Variants in DACH1 observed in about 807,000 individuals in gnomAD.
DACH1 encodes the protein dachshund homolog 1.
DACH1 carries 12 observed loss-of-function variants against 54.2 expected under a neutral mutation model. That is an observed-to-expected ratio of 0.22 (90% CI 0.14 to 0.36). DACH1 has a LOEUF of 0.36. Ranked by LOEUF, DACH1 falls within the 10% of genes least tolerant of loss-of-function variation. The pLI is 1.00. For missense variants in DACH1, 805 were observed against 929.8 expected, an observed-to-expected ratio of 0.87 and a Z score of 1.75; for synonymous variants, 386 against 366.2, an observed-to-expected ratio of 1.05 and a Z score of -0.62.
intron 1 of DACH1, among the ~76,000 whole-genome samples, chr13:71,838,566 C>T (rs575974246): frequency 1.3e-5 from 2 of 152,270 alleles, no homozygotes; most frequent in South Asian, 2.1e-4. Flanking sequence ...TTGAAACAAT[C>T]GTATCACCCA....
chr13:71,771,135 C>A (rs963431853), intron 1 of DACH1, among the ~76,000 whole-genome samples: 3 of 150,864 alleles, frequency 2.0e-5, no homozygotes, highest in African/African-American at 7.3e-5. Context: ...AACTCCCTAG[C>A]CTAAAAAGTT....
intron 6 of DACH1, among the ~76,000 whole-genome samples, chr13:71,489,783 A>G (rs1300820882): frequency 6.6e-6 from 1 of 152,140 alleles, no homozygotes; most frequent in Non-Finnish European, 1.5e-5. Context: ...ATATTGAAAA[A>G]TTATAGCTTC....
intron 4 of DACH1, among the ~76,000 whole-genome samples, chr13:71,565,906 C>T (rs1252163795): frequency 6.6e-6 from 1 of 152,084 alleles, no homozygotes; most frequent in Non-Finnish European, 1.5e-5. Context: ...TATAAATTTG[C>T]TTTAAGCAGC....
At chr13:71,627,040 C>T (rs1281284298) in intron 3 of DACH1, among the ~76,000 whole-genome samples, 1 of 151,998 alleles carries the variant, frequency 6.6e-6, no homozygotes, top group African/African-American at 2.4e-5. Context: ...TCACTCGGAT[C>T]TATCCTCAGG....
At chr13:71,559,408 AT>A (rs1884449361) in intron 5 of DACH1, among the ~76,000 whole-genome samples, 1 of 152,174 alleles carries the variant, frequency 6.6e-6, no homozygotes, top group South Asian at 2.1e-4. Flanking sequence ...GGATATCTCC[AT>A]TAACACAAGG....
chr13:71,800,475 T>C (rs144484170), intron 1 of DACH1, among the ~76,000 whole-genome samples: 1 of 152,248 alleles, frequency 6.6e-6, no homozygotes, highest in African/African-American at 2.4e-5. Context: ...TTAGATGAAC[T>C]TCTTTCTAGA....
intron 1 of DACH1, among the ~76,000 whole-genome samples, chr13:71,802,333 G>A (rs1345039214): frequency 6.6e-6 from 1 of 152,074 alleles, no homozygotes; most frequent in Admixed American, 6.6e-5. Flanking sequence ...GTCACAAGCA[G>A]TGGCTAACTG....
intron 6 of DACH1, among the ~76,000 whole-genome samples, chr13:71,521,257 A>C (rs1881576949): frequency 1.3e-5 from 2 of 152,018 alleles, no homozygotes; most frequent in Non-Finnish European, 2.9e-5. Context: ...TGCATGTAAT[A>C]GATTTCTATT....
intron 6 of DACH1, among the ~76,000 whole-genome samples, chr13:71,511,969 A>G (rs1173385656): frequency 6.6e-6 from 1 of 151,908 alleles, no homozygotes; most frequent in Non-Finnish European, 1.5e-5. Context: ...TTGCTTCCCT[A>G]CAGGATTTAT....
intron 2 of DACH1, among the ~76,000 whole-genome samples, chr13:71,647,839 C>G (rs1468745722): frequency 6.6e-6 from 1 of 152,212 alleles, no homozygotes; most frequent in Non-Finnish European, 1.5e-5. Context: ...AGCCCACTTA[C>G]TTTGCTATTT....
At chr13:71,715,554 C>G (rs1052257166) in intron 1 of DACH1, among the ~76,000 whole-genome samples, 2 of 151,884 alleles carry the variant, frequency 1.3e-5, no homozygotes, top group African/African-American at 4.8e-5. Flanking sequence ...TTCCTCCTGC[C>G]CTGCCTGATT....
chr13:71,693,138 A>T (rs1246811544), intron 1 of DACH1, among the ~76,000 whole-genome samples: 1 of 152,118 alleles, frequency 6.6e-6, no homozygotes, highest in East Asian at 1.9e-4. Flanking sequence ...AAGAAGGAAA[A>T]AACTACAGCG....
At chr13:71,836,728 G>A (rs1263550240) in intron 1 of DACH1, among the ~76,000 whole-genome samples, 1 of 151,912 alleles carries the variant, frequency 6.6e-6, no homozygotes, top group Non-Finnish European at 1.5e-5. Context: ...TCTCAGTGAG[G>A]TAGGCCTCAT....
intron 3 of DACH1, among the ~76,000 whole-genome samples, chr13:71,599,828 T>TACACAC (rs113936121): frequency 1.9e-3 from 275 of 146,692 alleles, no homozygotes; most frequent in African/African-American, 5.1e-3. Context: ...AACACATTTC[T>TACACAC]ACACACACAC....
chr13:71,485,902 T>G (rs1157309507), intron 7 of DACH1, among the ~76,000 whole-genome samples: 1 of 151,816 alleles, frequency 6.6e-6, no homozygotes, highest in East Asian at 1.9e-4. Flanking sequence ...TCTATAACAC[T>G]TAAATGCAGG....
At chr13:71,496,178 C>T (rs1351702916) in intron 6 of DACH1, among the ~76,000 whole-genome samples, 5 of 148,810 alleles carry the variant, frequency 3.4e-5, no homozygotes, top group South Asian at 2.1e-4. Context: ...GCAGAGGTTG[C>T]GGTGAGCGGA....
At chr13:71,656,764 T>C (rs1208594755) in intron 2 of DACH1, among the ~76,000 whole-genome samples, 1 of 150,168 alleles carries the variant, frequency 6.7e-6, no homozygotes, top group Non-Finnish European at 1.5e-5. Context: ...GGAAAGAAGA[T>C]GAGTTTTCAA....
intron 1 of DACH1, among the ~76,000 whole-genome samples, chr13:71,717,460 G>C (rs993789114): frequency 2.0e-5 from 3 of 150,750 alleles, no homozygotes; most frequent in Non-Finnish European, 2.9e-5. Flanking sequence ...GTTTGCTAAG[G>C]TGGTGACCAG....
At chr13:71,500,009 T>A (rs575401486) in intron 6 of DACH1, among the ~76,000 whole-genome samples, 3 of 152,090 alleles carry the variant, frequency 2.0e-5, no homozygotes, top group East Asian at 3.9e-4. Context: ...TTAAAAAAAA[T>A]TTCCAAATCA....
Sources: allele counts gnomAD v4.1 joint callset (sites outside exome capture counted in the v4.1 genomes callset), GRCh38; gene constraint gnomAD v4.1.1; transcripts MANE v1.5; gene names NCBI Gene and HGNC (gene_info 2026-07-23, HGNC 2026-07-21).